Variants in LRRFIP1 observed in about 807,000 individuals in gnomAD.
The protein encoded by LRRFIP1 is leucine-rich repeat flightless-interacting protein 1.
Under a neutral mutation model 104.4 loss-of-function variants are expected in LRRFIP1, and 62 were observed. That is an observed-to-expected ratio of 0.59 (90% CI 0.48 to 0.73). LRRFIP1 has a LOEUF of 0.73. LRRFIP1 is among the 30% of genes least tolerant of loss of function. LRRFIP1 has a pLI of 0.00. For missense variants in LRRFIP1, 796 were observed against 824.5 expected (o/e 0.97, Z 0.42); for synonymous variants, 300 against 299.0 (o/e 1.00, Z -0.03).
chr2:237,684,932 A>C (rs1347002029), intron 1 of LRRFIP1, among the ~76,000 whole-genome samples: 1 of 151,458 alleles, frequency 6.6e-6, no homozygotes, highest in Admixed American at 6.6e-5. Context: ...GAAAAAAAAA[A>C]AAAAATTAGC....
At chr2:237,760,652 A>G (rs1054599988) in intron 19 of LRRFIP1, among the ~76,000 whole-genome samples, 1 of 152,212 alleles carries the variant, frequency 6.6e-6, no homozygotes, top group African/African-American at 2.4e-5. Flanking sequence ...GCAAGCCAAC[A>G]TCGACATCCT....
intron 1 of LRRFIP1, among the ~76,000 whole-genome samples, chr2:237,639,200 A>G (rs1000191140): frequency 1.3e-5 from 2 of 152,184 alleles, no homozygotes; most frequent in Non-Finnish European, 2.9e-5. Flanking sequence ...GATGTGCCCC[A>G]GGGCTGAGAT....
chr2:237,735,448 C>A lies in LRRFIP1; in HGVS notation c.555+115C>A. ...ACTGGCCATTCTCAGGAGGAAGCGC[C>A]GAGTCACCGGGCTAACCGCCACCTT... On this transcript the variant is annotated intron_variant, in intron 10 of 23. Coordinates refer to ENST00000308482, the MANE Select transcript of LRRFIP1 (RefSeq NM_001137550.2). This position sits in a 1 kb window ranked among gnomAD's most constrained non-coding sequence, Gnocchi z 4.6. 1.1e-6 allele frequency: 1 copy of A among 928,378 alleles called. No homozygotes were observed. The highest frequency in any genetic ancestry group is 1.6e-6 in the Non-Finnish European group (1 of 634,940). 57.5% of individuals were successfully genotyped at this position (928,378 alleles called of 1,614,324 possible). A position where few individuals can be genotyped will look rare whatever the true frequency, so the allele number is the denominator to read the frequency against.
At chr2:237,700,172 G>C (rs2093435811) in intron 1 of LRRFIP1, among the ~76,000 whole-genome samples, 1 of 152,188 alleles carries the variant, frequency 6.6e-6, no homozygotes, top group Non-Finnish European at 1.5e-5. Context: ...AGGGTTGGGG[G>C]GTTTGCAGAG....
rs2059702909 is a variant in LRRFIP1, at chr2:237,760,101, A to G, written c.1355A>G (p.Asn452Ser). 1.1e-5 allele frequency: 18 copies of G among 1,613,712 alleles called. No homozygotes were observed. Among genetic ancestry groups the G allele is most frequent in the Admixed American group, 1.7e-5 (1 of 60,002 alleles). ...GIILNSEIAT[N>S]GETSDTLNNV... ...ATCCTAAATTCAGAAATAGCTACCA[A>G]TGGAGAGACTTCCGACACCCTCAAT... Residue 452 changes from asparagine to serine, a missense_variant, in exon 19 of 24, where the codon AAT becomes AGT. Transcript: ENST00000308482.
At chr2:237,682,923 G>A (rs1424462570) in intron 1 of LRRFIP1, among the ~76,000 whole-genome samples, 1 of 152,244 alleles carries the variant, frequency 6.6e-6, no homozygotes, top group African/African-American at 2.4e-5. Context: ...TGCTTCCACA[G>A]TGTGGGCACC....
At chr2:237,720,695 C>T (rs149284976) in intron 5 of LRRFIP1, 77 bp from the exon 6 acceptor site, 2 of 1,322,854 alleles carry the variant, frequency 1.5e-6, no homozygotes, top group East Asian at 2.3e-5. Flanking sequence ...CCCAGCATCC[C>T]CCTGAAACTT....
chr2:237,773,280 G>A (rs2060803334), intron 22 of LRRFIP1, among the ~76,000 whole-genome samples: 1 of 152,188 alleles, frequency 6.6e-6, no homozygotes, highest in South Asian at 2.1e-4. Flanking sequence ...GCTCACACCT[G>A]TAATCCCAGC....
intron 1 of LRRFIP1, among the ~76,000 whole-genome samples, chr2:237,627,947 C>A (rs897569433): frequency 6.6e-6 from 1 of 150,946 alleles, no homozygotes; most frequent in Non-Finnish European, 1.5e-5. Context: ...CTGCGGACCC[C>A]GCACCCGTTC....
Position 237,764,770 on chromosome 2 carries a change from T to A in LRRFIP1, c.1459+4565T>A, listed in dbSNP as rs181353128. The A allele has an allele frequency of 2.7e-4, 270 of 986,188 alleles. 1 individual carries two copies. The African/African-American group carries it at 4.6e-3, about 17-fold the overall frequency. The allele number at this position is 986,188 out of a possible 1,614,324, so 61.1% of individuals were successfully genotyped here. On this transcript the variant is annotated intron_variant, in intron 19 of 23. Coordinates refer to ENST00000308482, the MANE Select transcript of LRRFIP1 (RefSeq NM_001137550.2). ...GGGCTTTATTTGCCTTTACCTCATA[T>A]GAGTCTTTGATCTTGAACCGATACT...
rs1216257623 is a variant in LRRFIP1, at chr2:237,703,119, C to G, written c.97-5425C>G. ...AGGGCCATGCCAAGAAGCCGCTGTT[C>G]TAATCTAATCAGTGGAGGATCCAGC... On this transcript the variant is annotated intron_variant, in intron 1 of 23. Coordinates refer to ENST00000308482, the MANE Select transcript of LRRFIP1 (RefSeq NM_001137550.2). This position sits in a 1 kb window ranked among gnomAD's most constrained non-coding sequence, Gnocchi z 4.3. Among the ~76,000 whole-genome samples the G allele has an allele frequency of 6.6e-6, 1 of 152,310 alleles. No individual in the cohort carries two copies. The highest frequency in any genetic ancestry group is 2.1e-4 in the South Asian group (1 of 4,828).
chr2:237,762,643 G>T, intron 19 of LRRFIP1: 1 of 1,609,180 alleles, frequency 6.2e-7, no homozygotes, highest in African/African-American at 1.3e-5. Context: ...AAATCGTGGC[G>T]AATGTGGGGA....
Position 237,727,863 on chromosome 2 carries a change from T to C in LRRFIP1, c.385-13T>C. ...TACTGATGTCAGTTTTTCTCTTTTC[T>C]TCATTGAAACAGACAAATGGTTATG... On this transcript the variant is annotated splice_polypyrimidine_tract_variant and intron_variant, in intron 7 of 23. Coordinates refer to ENST00000308482, the MANE Select transcript of LRRFIP1 (RefSeq NM_001137550.2). The C allele has an allele frequency of 6.2e-7, 1 of 1,600,372 alleles. No homozygotes were observed. The highest frequency in any genetic ancestry group is 8.5e-7 in the Non-Finnish European group (1 of 1,172,524).
At chr2:237,772,696 G>A in intron 21 of LRRFIP1, 170 bp from the exon 22 acceptor site, 1 of 605,264 alleles carries the variant, frequency 1.7e-6, no homozygotes, top group South Asian at 2.0e-5. Context: ...GGGTTCATGG[G>A]GAGAGAGTGC....
chr2:237,760,655 G>A (rs1044566857), intron 19 of LRRFIP1, among the ~76,000 whole-genome samples: 6 of 152,152 alleles, frequency 3.9e-5, no homozygotes, highest in Non-Finnish European at 8.8e-5. Context: ...AGCCAACATC[G>A]ACATCCTGGG....
chr2:237,726,994 A>G (rs2094778095), intron 7 of LRRFIP1, among the ~76,000 whole-genome samples: 1 of 152,230 alleles, frequency 6.6e-6, no homozygotes, highest in African/African-American at 2.4e-5. Flanking sequence ...GGAGGGCTGG[A>G]TGAATAAAAA....
At chr2:237,638,797 A>G (rs2083469244) in intron 1 of LRRFIP1, among the ~76,000 whole-genome samples, 1 of 152,234 alleles carries the variant, frequency 6.6e-6, no homozygotes, top group African/African-American at 2.4e-5. Flanking sequence ...ACATTGCAAT[A>G]GAGGTATGTT....
At chr2:237,650,769 T>A (rs2085806680) in intron 1 of LRRFIP1, among the ~76,000 whole-genome samples, 1 of 152,160 alleles carries the variant, frequency 6.6e-6, no homozygotes. Context: ...CCTGTGGGGT[T>A]TGCTGATGGA....
chr2:237,738,024 T>G (rs11900564), intron 10 of LRRFIP1, among the ~76,000 whole-genome samples: 1,726 of 152,334 alleles, frequency 0.011, 35 homozygotes, highest in African/African-American at 0.04. Flanking sequence ...AAGTATTTCT[T>G]GAGTTTGCCA....
Sources: allele counts gnomAD v4.1 joint callset (sites outside exome capture counted in the v4.1 genomes callset), GRCh38; gene constraint gnomAD v4.1.1; non-coding constraint Gnocchi (gnomAD v3.1); transcripts MANE v1.5; gene names NCBI Gene and HGNC (gene_info 2026-07-23, HGNC 2026-07-21).